FAM171A1: variants seen among roughly 807,000 people sequenced by gnomAD.
FAM171A1 encodes the protein family with sequence similarity 171 member A1.
Under a neutral mutation model 74.9 loss-of-function variants are expected in FAM171A1, and 23 were observed. The observed-to-expected ratio is 0.31, with a 90% CI of 0.22 to 0.44. FAM171A1 has a LOEUF of 0.44. Ranked by LOEUF, FAM171A1 falls within the 20% of genes least tolerant of loss-of-function variation. The probability of loss-of-function intolerance (pLI) is 1.00; values close to 1 mark genes in which losing one functional copy is unlikely to be tolerated. For missense variants in FAM171A1, 1,162 were observed against 1,159.2 expected (o/e 1.00, Z -0.03); for synonymous variants, 527 against 505.7 (o/e 1.04, Z -0.57).
chr10:15,371,631 A>G (rs114588798), upstream of FAM171A1, among the ~76,000 whole-genome samples: 720 of 152,244 alleles, frequency 4.7e-3, 9 homozygotes, highest in African/African-American at 0.016. Context: ...AGATCCGCAA[A>G]AACACTCCCC....
intron 1 of FAM171A1, among the ~76,000 whole-genome samples, chr10:15,353,778 C>T (rs1010118628): frequency 1.3e-5 from 2 of 151,886 alleles, no homozygotes; most frequent in African/African-American, 2.4e-5. Context: ...ACAATGCAGG[C>T]GGCTCAGAAA....
rs763670993 is a variant in FAM171A1, at chr10:15,214,482, C to T, written c.1106G>A (p.Arg369Gln). 10 of 1,614,026 alleles carry T rather than the reference C, an allele frequency of 6.2e-6. No homozygotes were observed. The highest frequency in any genetic ancestry group is 2.2e-5 in the South Asian group (2 of 91,084). ...MSHINLLFSR[R>Q]ASEFPGPLSV... is the part of the protein sequence containing the mutation. ...CAGCGGGCCAGGGAATTCTGACGCT[C>T]GGCGTGAAAACAGCAAGTTAATGTG... Residue 369 changes from arginine (R) to glutamine (Q), a missense_variant, in exon 8 of 8, where the codon CGA becomes CAA. Arg to Gln is a conservative substitution (Grantham distance 43). Transcript: ENST00000378116.
chr10:15,343,101 C>G (rs1280473268), intron 1 of FAM171A1, among the ~76,000 whole-genome samples: 1 of 152,210 alleles, frequency 6.6e-6, no homozygotes, highest in Non-Finnish European at 1.5e-5. Flanking sequence ...GCAGGGCCCA[C>G]CAGACCAAGT....
intron 1 of FAM171A1, among the ~76,000 whole-genome samples, chr10:15,364,091 A>C (rs1836030230): frequency 6.6e-6 from 1 of 152,180 alleles, no homozygotes; most frequent in Non-Finnish European, 1.5e-5. Context: ...ACATAAAGGC[A>C]GAAGGGACTA....
chr10:15,227,304 A>T (rs1834121772), intron 5 of FAM171A1, among the ~76,000 whole-genome samples: 1 of 152,126 alleles, frequency 6.6e-6, no homozygotes, highest in Non-Finnish European at 1.5e-5. Flanking sequence ...CCCGGCCGGA[A>T]CAGTGATATT....
intron 1 of FAM171A1, among the ~76,000 whole-genome samples, chr10:15,343,035 C>G (rs1425232448): frequency 6.6e-6 from 1 of 152,132 alleles, no homozygotes; most frequent in East Asian, 1.9e-4. Flanking sequence ...CGAGTGGGTC[C>G]CCAGCCTGGC....
chr10:15,329,567 A>T (rs184537364), intron 1 of FAM171A1, among the ~76,000 whole-genome samples: 222 of 151,514 alleles, frequency 1.5e-3, no homozygotes, highest in African/African-American at 4.4e-3. Flanking sequence ...TTGAAGCTGC[A>T]GTGAAACGTG....
chr10:15,283,798 T>C, intron 2 of FAM171A1, 80 bp downstream of exon 2: 1 of 1,406,800 alleles, frequency 7.1e-7, no homozygotes, highest in Non-Finnish European at 1.0e-6. Context: ...TTGCCCAAGC[T>C]GGTTTCAGAC....
At position 15,370,474 on chromosome 10, in the gene FAM171A1, A is replaced by G. The variant is rs12251126; in HGVS notation, c.97+482T>C. On this transcript the variant is annotated intron_variant, in intron 1 of 7. Coordinates refer to ENST00000378116, the MANE Select transcript of FAM171A1 (RefSeq NM_001010924.2). ...CAGGGGGCACCCCGGGGCGTCAGCC[A>G]CCCCCTCCCGCCACAACAAAAGGCC... Among the ~76,000 whole-genome samples the G allele has an allele frequency of 4.9e-3, 710 of 143,858 alleles. 9 individuals are homozygous for G. The highest frequency in any genetic ancestry group is 0.017 in the African/African-American group (659 of 39,012). The allele number at this position is 143,858 out of a possible 152,430, so 94.4% of individuals were successfully genotyped here. A position where few individuals can be genotyped will look rare whatever the true frequency, so the allele number is the denominator to read the frequency against.
intron 3 of FAM171A1, among the ~76,000 whole-genome samples, chr10:15,268,225 A>G (rs1200708384): frequency 6.6e-6 from 1 of 152,120 alleles, no homozygotes; most frequent in Non-Finnish European, 1.5e-5. Flanking sequence ...TACAATGGGA[A>G]AACCATTGAA....
At chr10:15,261,312 TCCTTAAATGGATCA>T (rs984490031) in intron 3 of FAM171A1, among the ~76,000 whole-genome samples, 2 of 152,218 alleles carry the variant, frequency 1.3e-5, no homozygotes, top group Non-Finnish European at 2.9e-5. Flanking sequence ...CCATTTAGCC[TCCTTAAATGGATCA>T]GTGAAGAATT....
chr10:15,213,731 G>C lies in FAM171A1; in HGVS notation c.1857C>G (p.Ser619=). The change falls in exon 8 of 8, where the codon TCC becomes TCG. Residue 619 remains serine, a synonymous_variant. Coordinates refer to ENST00000378116, the MANE Select transcript of FAM171A1 (RefSeq NM_001010924.2). The surrounding 1 kb of genome is among the most constrained non-coding windows in gnomAD (Gnocchi z 6.8). ...LEIERLQAEL[S]NPHAGIFPHP... ...GTGGGAAGATCCCGGCATGGGGATT[G>C]GACAGCTCAGCCTGTAGTCTTTCTA... The C allele has an allele frequency of 6.2e-7, 1 of 1,613,406 alleles. No individual in the cohort carries two copies. Among genetic ancestry groups the C allele is most frequent in the Non-Finnish European group, 8.5e-7 (1 of 1,179,518 alleles).
At chr10:15,258,475 T>C (rs954401694) in intron 3 of FAM171A1, among the ~76,000 whole-genome samples, 1 of 152,218 alleles carries the variant, frequency 6.6e-6, no homozygotes, top group African/African-American at 2.4e-5. Context: ...TCTTTCTCTA[T>C]AGGCTTTTCC....
chr10:15,234,657 C>CTTT (rs112414673), intron 5 of FAM171A1, among the ~76,000 whole-genome samples: 1 of 143,696 alleles, frequency 7.0e-6, no homozygotes, highest in Non-Finnish European at 1.5e-5. Context: ...ATGTACTTTT[C>CTTT]TTTTTTTTTT....
intron 3 of FAM171A1, among the ~76,000 whole-genome samples, chr10:15,261,504 A>G (rs376143043): frequency 6.6e-6 from 1 of 152,206 alleles, no homozygotes; most frequent in Non-Finnish European, 1.5e-5. Flanking sequence ...ACTCTAATAC[A>G]GAAAAGGGTC....
chr10:15,335,772 T>G (rs780304504), intron 1 of FAM171A1, among the ~76,000 whole-genome samples: 2 of 152,210 alleles, frequency 1.3e-5, no homozygotes, highest in African/African-American at 2.4e-5. Context: ...CAATCACACT[T>G]TATCTTTGTT....
chr10:15,370,874 CCCGCCGCCGCCGCCGCCG>C, intron 1 of FAM171A1, 64 bp downstream of exon 1: 1 of 656,422 alleles, frequency 1.5e-6, no homozygotes, highest in Non-Finnish European at 1.9e-6. Context: ...CCGGGACCCT[CCCGCCGCCGCCGCCGCCG>C]CCGCCGCCTC....
chr10:15,275,826 A>C (rs1490691362), intron 3 of FAM171A1, 29 bp downstream of exon 3: 2 of 1,441,336 alleles, frequency 1.4e-6, no homozygotes, highest in Admixed American at 3.7e-5. Flanking sequence ...AAAAATAACA[A>C]TAAAAACTGA....
intron 5 of FAM171A1, 90 bp from the exon 6 acceptor site, chr10:15,221,150 T>A: frequency 8.9e-7 from 1 of 1,120,248 alleles, no homozygotes; most frequent in Non-Finnish European, 1.3e-6. Flanking sequence ...TTAAATATCT[T>A]AAATGTCATG....
Sources: allele counts gnomAD v4.1 joint callset (sites outside exome capture counted in the v4.1 genomes callset), GRCh38; gene constraint gnomAD v4.1.1; non-coding constraint Gnocchi (gnomAD v3.1); transcripts MANE v1.5; gene names NCBI Gene and HGNC (gene_info 2026-07-23, HGNC 2026-07-21).